The following GLI3 variants were observed in gnomAD, a reference collection of about 807,000 sequenced individuals.
GLI3 encodes GLI family zinc finger 3.
A neutral mutation model predicts 100.8 loss-of-function variants in GLI3; 20 were observed. The observed-to-expected ratio is 0.20, with a 90% confidence interval of 0.14 to 0.29. The LOEUF (loss-of-function observed/expected upper bound fraction) is 0.29, where lower values mean the gene tolerates loss of function less well. Among genes scored for constraint, GLI3 ranks in the 10% least tolerant of loss-of-function variants. The pLI is 1.00. For synonymous variants in GLI3, 938 were observed against 860.5 expected (o/e 1.09, Z -1.58); for missense variants, 2,040 against 2,128.5 (o/e 0.96, Z 0.82).
At chr7:41,980,507 C>G (rs1787632539) in intron 10 of GLI3, among the ~76,000 whole-genome samples, 1 of 152,108 alleles carries the variant, frequency 6.6e-6, no homozygotes, top group Non-Finnish European at 1.5e-5. Flanking sequence ...TACAAAAACA[C>G]TCCCTAACAG....
At chr7:42,009,004 A>T (rs1473059913) in intron 10 of GLI3, among the ~76,000 whole-genome samples, 1 of 152,210 alleles carries the variant, frequency 6.6e-6, no homozygotes, top group Non-Finnish European at 1.5e-5. Flanking sequence ...TCCTGGAAAC[A>T]GGTACACCAA....
At chr7:42,005,112 G>C (rs1788416832) in intron 10 of GLI3, among the ~76,000 whole-genome samples, 1 of 152,058 alleles carries the variant, frequency 6.6e-6, no homozygotes. Context: ...ATGAAGTACA[G>C]ACTCAATTTT....
chr7:41,989,349 A>C (rs1362341209), intron 10 of GLI3, among the ~76,000 whole-genome samples: 1 of 152,210 alleles, frequency 6.6e-6, no homozygotes, highest in Non-Finnish European at 1.5e-5. Context: ...ACATGGTAAG[A>C]GCCAAGGTTT....
chr7:42,130,440 A>C lies in GLI3; in HGVS notation c.367+17786T>G, dbSNP rs561179063. ...GAAGGTTTTAGAAAGCATTACATAC[A>C]AAAGGCAAGAGCAAGATGTTAAGAA... On this transcript the variant is annotated intron_variant, in intron 3 of 14. Transcript: ENST00000395925. Among the ~76,000 whole-genome samples the C allele has an allele frequency of 2.6e-5, 4 of 152,352 alleles. No homozygotes were observed. In the East Asian group the frequency reaches 7.7e-4, roughly 29 times the overall value.
chr7:42,010,527 G>A (rs578127218), intron 10 of GLI3, among the ~76,000 whole-genome samples: 1 of 152,248 alleles, frequency 6.6e-6, no homozygotes, highest in South Asian at 2.1e-4. Context: ...TTTCACCTGT[G>A]TTTTGATCAA....
chr7:42,127,514 TAGAC>T (rs1344357575), intron 3 of GLI3, among the ~76,000 whole-genome samples: 6 of 152,328 alleles, frequency 3.9e-5, no homozygotes, highest in Admixed American at 2.6e-4. Context: ...GCCCATTTCT[TAGAC>T]AGGGCCAGTT....
intron 3 of GLI3, among the ~76,000 whole-genome samples, chr7:42,119,940 C>G (rs3801189): frequency 6.6e-6 from 1 of 151,960 alleles, no homozygotes; most frequent in Non-Finnish European, 1.5e-5. Flanking sequence ...CCAGATGAAT[C>G]GAGTCATCCA....
chr7:42,182,941 C>G (rs1787647032), intron 2 of GLI3, among the ~76,000 whole-genome samples: 2 of 151,842 alleles, frequency 1.3e-5, no homozygotes, highest in African/African-American at 4.8e-5. Flanking sequence ...AAAAAATTAG[C>G]TGGGCATGGT....
chr7:42,214,946 T>C (rs1370858882), intron 2 of GLI3, among the ~76,000 whole-genome samples: 1 of 151,734 alleles, frequency 6.6e-6, no homozygotes, highest in Non-Finnish European at 1.5e-5. Context: ...ATTTTCGTTC[T>C]ACTACAAATT....
At position 41,964,641 on chromosome 7, in the gene GLI3, C is replaced by T. The variant is rs1241442383; in HGVS notation, c.4432G>A (p.Glu1478Lys). The change falls in exon 15 of 15, where the codon GAG becomes AAG. Residue 1478 changes from glutamate to lysine, a missense_variant. Glu to Lys is a moderately conservative substitution (Grantham distance 56, BLOSUM62 1). Around this residue, in one of 5 missense-constraint regions of GLI3, gnomAD observed 1,041 missense variants for 924.0 expected, o/e 1.13. Transcript: ENST00000395925. Reference sequence around the variant, plus strand: ...TGATTAGCACCTGGGGAAAGTAACTCAGAGTTTTTGGCGCTGGTCCCCTGT... The same window carrying T: ...TGATTAGCACCTGGGGAAAGTAACTTAGAGTTTTTGGCGCTGGTCCCCTGT... Reference protein sequence around the residue: ...LLQGTSAKNSELLSPGANQVT... With the variant: ...LLQGTSAKNSKLLSPGANQVT... 1 of 1,614,014 alleles carries T rather than the reference C, an allele frequency of 6.2e-7. No individual in the cohort carries two copies. Among genetic ancestry groups the T allele is most frequent in the Non-Finnish European group, 8.5e-7 (1 of 1,179,944 alleles).
intron 3 of GLI3, among the ~76,000 whole-genome samples, chr7:42,080,610 C>A (rs1360281868): frequency 1.3e-5 from 2 of 152,150 alleles, no homozygotes; most frequent in Non-Finnish European, 2.9e-5. Context: ...AATGGAACTC[C>A]CCTCTTCCAA....
At chr7:42,208,980 A>G (rs1788210703) in intron 2 of GLI3, among the ~76,000 whole-genome samples, 1 of 152,214 alleles carries the variant, frequency 6.6e-6, no homozygotes, top group Admixed American at 6.5e-5. Context: ...TTCAGCCAGA[A>G]TTGGGCAAAA....
At chr7:42,219,004 G>A (rs558124031) in intron 2 of GLI3, among the ~76,000 whole-genome samples, 1 of 152,232 alleles carries the variant, frequency 6.6e-6, no homozygotes, top group Admixed American at 6.5e-5. Flanking sequence ...GTAGAACATT[G>A]GAAGATTTAG....
chr7:42,014,166 T>C (rs753799649), intron 10 of GLI3, among the ~76,000 whole-genome samples: 9 of 152,216 alleles, frequency 5.9e-5, no homozygotes, highest in Non-Finnish European at 1.2e-4. Context: ...AGCCCCATCT[T>C]TCTAAAGCTG....
chr7:42,081,288 T>C (rs528906413), intron 3 of GLI3, among the ~76,000 whole-genome samples: 8 of 152,184 alleles, frequency 5.3e-5, no homozygotes, highest in Non-Finnish European at 1.2e-4. Context: ...AGCAGTCAAC[T>C]GTACATGCTT....
At chr7:41,975,266 A>G (rs569008719) in intron 12 of GLI3, among the ~76,000 whole-genome samples, 1 of 152,370 alleles carries the variant, frequency 6.6e-6, no homozygotes, top group African/African-American at 2.4e-5. Flanking sequence ...TTAGAACAGC[A>G]AAGGGCTTGG....
At chr7:42,171,351 A>G (rs1441087699) in intron 2 of GLI3, among the ~76,000 whole-genome samples, 1 of 152,230 alleles carries the variant, frequency 6.6e-6, no homozygotes, top group Non-Finnish European at 1.5e-5. Context: ...AGGAGATAAT[A>G]GGCCTAAGTA....
chr7:42,178,562 G>A (rs1205366344), intron 2 of GLI3, among the ~76,000 whole-genome samples: 3 of 152,294 alleles, frequency 2.0e-5, no homozygotes, highest in Admixed American at 2.0e-4. Flanking sequence ...ACAAAGAAGG[G>A]CTGCACTAGA....
chr7:41,994,377 C>T (rs886660706), intron 10 of GLI3, among the ~76,000 whole-genome samples: 36 of 152,222 alleles, frequency 2.4e-4, no homozygotes, highest in Non-Finnish European at 1.8e-4. Flanking sequence ...AATCTTGCCC[C>T]CTATCATGAC....
Sources: gnomAD v4.1 joint callset for allele counts (sites outside exome capture counted in the v4.1 genomes callset) on GRCh38, gnomAD v4.1.1 for gene constraint, gnomAD v4.1.1 regional missense constraint, MANE v1.5 for transcripts, NCBI Gene and HGNC (gene_info 2026-07-23, HGNC 2026-07-21) for gene names.